Variants in GRM1 observed in about 807,000 individuals in gnomAD.
GRM1 encodes the protein metabotropic glutamate receptor 1.
GRM1 carries 33 observed loss-of-function variants against 90.9 expected under a neutral mutation model. The observed-to-expected ratio is 0.36, with a 90% confidence interval of 0.28 to 0.49. The LOEUF is 0.49. Among genes scored for constraint, GRM1 ranks in the 20% least tolerant of loss-of-function variants. The probability of loss-of-function intolerance (pLI) is 0.99; values close to 1 mark genes in which losing one functional copy is unlikely to be tolerated. For synonymous variants in GRM1, 700 were observed against 613.2 expected (o/e 1.14, Z -2.09); for missense variants, 1,190 against 1,534.3 (o/e 0.78, Z 3.75).
chr6:146,296,352 C>A (rs967350377), intron 2 of GRM1, among the ~76,000 whole-genome samples: 11 of 152,190 alleles, frequency 7.2e-5, no homozygotes, highest in Non-Finnish European at 1.6e-4. Context: ...TACATGCATA[C>A]ATTCTGGAAT....
intron 3 of GRM1, among the ~76,000 whole-genome samples, chr6:146,349,897 T>C (rs1785333822): frequency 6.6e-6 from 1 of 152,244 alleles, no homozygotes; most frequent in Admixed American, 6.5e-5. Context: ...CATATTTTTA[T>C]GTTAATCTTA....
intron 3 of GRM1, among the ~76,000 whole-genome samples, chr6:146,343,250 G>A (rs1465156933): frequency 1.3e-5 from 2 of 152,104 alleles, no homozygotes; most frequent in Admixed American, 1.3e-4. Flanking sequence ...TATCAGTGAT[G>A]ATGTTAACAT....
intron 6 of GRM1, among the ~76,000 whole-genome samples, chr6:146,390,648 C>T (rs967095612): frequency 2.7e-5 from 4 of 150,876 alleles, no homozygotes; most frequent in East Asian, 3.9e-4. Flanking sequence ...TTTTCCATTC[C>T]GACAGTTGTT....
chr6:146,122,105 A>G (rs947348526), intron 1 of GRM1, among the ~76,000 whole-genome samples: 2 of 152,070 alleles, frequency 1.3e-5, no homozygotes, highest in Non-Finnish European at 2.9e-5. Flanking sequence ...GCTTCCAAAG[A>G]TCAAAAGAGA....
At chr6:146,061,018 C>A (rs1360427149) in intron 1 of GRM1, among the ~76,000 whole-genome samples, 4 of 151,882 alleles carry the variant, frequency 2.6e-5, no homozygotes, top group Non-Finnish European at 5.9e-5. Context: ...GACCAATTGG[C>A]CTAATTGTAC....
intron 2 of GRM1, among the ~76,000 whole-genome samples, chr6:146,253,140 G>A (rs1159519646): frequency 1.3e-5 from 2 of 152,138 alleles, no homozygotes; most frequent in Admixed American, 1.3e-4. Flanking sequence ...TGCATTGGGA[G>A]TTTTAAGCAT....
At chr6:146,212,387 G>C (rs1779712857) in intron 2 of GRM1, among the ~76,000 whole-genome samples, 1 of 152,172 alleles carries the variant, frequency 6.6e-6, no homozygotes, top group Admixed American at 6.5e-5. Context: ...TTTTGAAGAT[G>C]CTTCAGCATT....
intron 1 of GRM1, among the ~76,000 whole-genome samples, chr6:146,042,022 G>A (rs1210924425): frequency 6.6e-6 from 1 of 151,932 alleles, no homozygotes; most frequent in Non-Finnish European, 1.5e-5. Flanking sequence ...TCTTCATGGT[G>A]GAAGGAACAA....
chr6:146,175,014 G>A (rs1033159137), intron 2 of GRM1, among the ~76,000 whole-genome samples: 1 of 152,238 alleles, frequency 6.6e-6, no homozygotes, highest in Non-Finnish European at 1.5e-5. Flanking sequence ...GAGAGAGAGA[G>A]GGGAGAACAT....
chr6:146,423,142 A>T (rs1778060853), intron 7 of GRM1, among the ~76,000 whole-genome samples: 1 of 152,210 alleles, frequency 6.6e-6, no homozygotes, highest in African/African-American at 2.4e-5. Context: ...ATTCAAGCAC[A>T]GATTTGGGAC....
intron 3 of GRM1, among the ~76,000 whole-genome samples, chr6:146,309,538 A>G (rs1783705595): frequency 6.6e-6 from 1 of 152,032 alleles, no homozygotes; most frequent in African/African-American, 2.4e-5. Flanking sequence ...ACAATTCTCT[A>G]TCTTATTTCA....
chr6:146,031,682 C>CT (rs1346911121), intron 1 of GRM1, among the ~76,000 whole-genome samples: 3 of 152,034 alleles, frequency 2.0e-5, no homozygotes, highest in African/African-American at 7.2e-5. Context: ...AAATTCATTA[C>CT]TTTTTTAAGA....
intron 1 of GRM1, among the ~76,000 whole-genome samples, chr6:146,046,889 A>G (rs889322997): frequency 6.6e-6 from 1 of 151,994 alleles, no homozygotes; most frequent in Admixed American, 6.6e-5. Context: ...CAAGGGAGGG[A>G]CAGGTTACTT....
rs751669267 is a variant in GRM1 at position 146,030,093 on chromosome 6, G to C, written c.576G>C (p.Leu192=). 2 of 1,614,180 alleles carry C rather than the reference G, an allele frequency of 1.2e-6. No homozygotes were observed. The highest frequency in any genetic ancestry group is 2.2e-5 in the South Asian group (2 of 91,082). ...QIAYSATSID[L]SDKTLYKYFL... ...CTTATTCAGCCACAAGCATCGACCTGAGTGACAAAACTTTGTACAAATACT... is the reference window on the plus strand; with the variant it reads ...CTTATTCAGCCACAAGCATCGACCTCAGTGACAAAACTTTGTACAAATACT... The change falls in exon 1 of 8, where the codon CTG becomes CTC. Residue 192 remains leucine, a synonymous_variant. Transcript: ENST00000282753.
intron 1 of GRM1, among the ~76,000 whole-genome samples, chr6:146,043,570 A>G (rs1047910350): frequency 6.6e-6 from 1 of 151,628 alleles, no homozygotes; most frequent in Non-Finnish European, 1.5e-5. Flanking sequence ...AAGAGCTAAC[A>G]TGTTTCATCT....
intron 2 of GRM1, 122 bp from the exon 3 acceptor site, chr6:146,304,489 G>A (rs1441393148): frequency 6.5e-6 from 5 of 764,110 alleles, no homozygotes; most frequent in South Asian, 3.0e-5. Flanking sequence ...TTGATGGGTA[G>A]TAATGCTGGC....
chr6:146,422,347 T>A (rs180965426), intron 7 of GRM1, among the ~76,000 whole-genome samples: 16 of 152,306 alleles, frequency 1.1e-4, no homozygotes, highest in Non-Finnish European at 1.6e-4. Flanking sequence ...GTGGCTGAAG[T>A]CAACAAGTAA....
intron 1 of GRM1, among the ~76,000 whole-genome samples, chr6:146,057,772 A>G (rs768154831): frequency 7.2e-5 from 11 of 152,212 alleles, no homozygotes; most frequent in South Asian, 2.1e-4. Context: ...CACTGAGTAT[A>G]TGGAATCAAA....
intron 5 of GRM1, among the ~76,000 whole-genome samples, chr6:146,371,281 C>T (rs796954786): frequency 1.2e-4 from 19 of 152,146 alleles, no homozygotes; most frequent in African/African-American, 4.3e-4. Flanking sequence ...TAGCTCCTTT[C>T]TCTTACAGCT....
Sources: allele counts gnomAD v4.1 joint callset (sites outside exome capture counted in the v4.1 genomes callset), GRCh38; gene constraint gnomAD v4.1.1; transcripts MANE v1.5; gene names NCBI Gene and HGNC (gene_info 2026-07-23, HGNC 2026-07-21).